The following LINGO1 variants were observed in gnomAD, a reference collection of about 807,000 sequenced individuals.
LINGO1 encodes leucine rich repeat and Ig domain containing 1.
A neutral mutation model predicts 37.3 loss-of-function variants in LINGO1; 11 were observed. The observed-to-expected ratio is 0.29, with a 90% CI of 0.19 to 0.49. The LOEUF (loss-of-function observed/expected upper bound fraction) is 0.49, where lower values mean the gene tolerates loss of function less well. Among genes scored for constraint, LINGO1 ranks in the 20% least tolerant of loss-of-function variants. The probability of loss-of-function intolerance (pLI) is 0.99; values close to 1 mark genes in which losing one functional copy is unlikely to be tolerated. For missense variants in LINGO1, 585 were observed against 878.2 expected, an observed-to-expected ratio of 0.67 and a Z score of 4.22; for synonymous variants, 387 against 403.0, an observed-to-expected ratio of 0.96 and a Z score of 0.48.
rs148298765 is a variant in LINGO1 at position 77,766,609 on chromosome 15, G to A, written c.-257+20260C>T. ...CCCTTCATTCTCGTGAAGTGAGTGC[G>A]TTCTCATGAGATCTGATGGTTTTAT... is the stretch of plus-strand genomic sequence containing the variant. On this transcript the variant is annotated intron_variant, in intron 1 of 3. Coordinates refer to the LINGO1 transcript ENST00000561686. Among the ~76,000 whole-genome samples, 211 of 152,236 alleles carry A rather than the reference G, an allele frequency of 1.4e-3. 1 individual carries two copies. The East Asian group carries it at 0.024, about 17-fold the overall frequency.
intron 1 of LINGO1, among the ~76,000 whole-genome samples, chr15:77,817,822 T>C (rs2077060657): frequency 6.6e-6 from 1 of 152,106 alleles, no homozygotes; most frequent in Non-Finnish European, 1.5e-5. Context: ...TGCCACAAAA[T>C]CCTCCTCTGT....
At chr15:77,737,994 G>A (rs2076219960) in intron 1 of LINGO1, among the ~76,000 whole-genome samples, 2 of 152,062 alleles carry the variant, frequency 1.3e-5, no homozygotes, top group African/African-American at 2.4e-5. Context: ...TGTCATCTCC[G>A]CTTGCTCATC....
At chr15:77,631,721 G>T (rs925391811) in intron 1 of LINGO1, among the ~76,000 whole-genome samples, 1 of 152,218 alleles carries the variant, frequency 6.6e-6, no homozygotes, top group Non-Finnish European at 1.5e-5. Flanking sequence ...CCCCTAAAGC[G>T]TTCCTGGGCG....
At chr15:77,752,202 C>T (rs944967902) in intron 1 of LINGO1, among the ~76,000 whole-genome samples, 1 of 152,206 alleles carries the variant, frequency 6.6e-6, no homozygotes, top group Non-Finnish European at 1.5e-5. Context: ...CCTGCCCCAG[C>T]CCCTCTCATC....
At chr15:77,649,822 A>G (rs59882970) in intron 3 of LINGO1, among the ~76,000 whole-genome samples, 15,843 of 152,154 alleles carry the variant, frequency 0.1, 2,755 homozygotes, top group African/African-American at 0.36. Context: ...GGCAGGTGAT[A>G]GCCACCAAGG....
intron 2 of LINGO1, among the ~76,000 whole-genome samples, chr15:77,723,098 C>T (rs1407917139): frequency 3.9e-5 from 6 of 152,160 alleles, no homozygotes; most frequent in Non-Finnish European, 5.9e-5. Context: ...TTCTGTCTGT[C>T]GTTAAAATGG....
At chr15:77,637,246 A>C (rs1198203419), upstream of LINGO1, among the ~76,000 whole-genome samples, 1 of 152,226 alleles carries the variant, frequency 6.6e-6, no homozygotes, top group Non-Finnish European at 1.5e-5. This position sits in a 1 kb window ranked among gnomAD's most constrained non-coding sequence, Gnocchi z 4.6. Flanking sequence ...GGAGATATGC[A>C]GGTTCCCAGG....
At chr15:77,708,900 C>T (rs983396273) in intron 2 of LINGO1, among the ~76,000 whole-genome samples, 1 of 152,108 alleles carries the variant, frequency 6.6e-6, no homozygotes, top group African/African-American at 2.4e-5. Flanking sequence ...GGTGACAGAG[C>T]GAGACTGTCT....
chr15:77,626,800 G>C (rs1468076241), intron 1 of LINGO1, among the ~76,000 whole-genome samples: 2 of 152,172 alleles, frequency 1.3e-5, no homozygotes, highest in African/African-American at 2.4e-5. Context: ...TAGTAAGTAA[G>C]AAGCCCATCA....
At position 77,752,844 on chromosome 15, in the gene LINGO1, T is replaced by C. The variant is rs577099160; in HGVS notation, c.-256-17791A>G. ...CTGCCACCAGCTGCCCTGAGCCCATTGGATGGACTTCTCACCATCACTCAT... is the reference window on the plus strand; with the variant it reads ...CTGCCACCAGCTGCCCTGAGCCCATCGGATGGACTTCTCACCATCACTCAT... On this transcript the variant is annotated intron_variant, in intron 1 of 3. Coordinates refer to the LINGO1 transcript ENST00000561686. Among the ~76,000 whole-genome samples the C allele has an allele frequency of 2.6e-5, 4 of 152,300 alleles. No homozygotes were observed. In the South Asian group the frequency reaches 8.3e-4, roughly 32 times the overall value.
chr15:77,722,899 G>A lies in LINGO1; in HGVS notation c.-195+12093C>T, dbSNP rs545810845. On this transcript the variant is annotated intron_variant, in intron 2 of 3. Coordinates refer to the LINGO1 transcript ENST00000561686. ...CCCCTCACGCAGTAACCCGGGGAGG[G>A]CAGCAGCAGGGCTGTGGAAAGCACC... Among the ~76,000 whole-genome samples, 68 of 152,134 alleles carry A rather than the reference G, an allele frequency of 4.5e-4. 1 individual carries two copies. Among genetic ancestry groups the A allele is most frequent in the Non-Finnish European group, 4.3e-4 (29 of 68,022 alleles).
At chr15:77,635,244 A>G (rs1178562856), upstream of LINGO1, among the ~76,000 whole-genome samples, 1 of 152,116 alleles carries the variant, frequency 6.6e-6, no homozygotes, top group Non-Finnish European at 1.5e-5. Context: ...TTGTCTCCAA[A>G]AGACATGACC....
intron 2 of LINGO1, among the ~76,000 whole-genome samples, chr15:77,792,567 C>T (rs377098168): frequency 4.6e-5 from 7 of 152,348 alleles, no homozygotes; most frequent in East Asian, 1.9e-4. Context: ...GCCCCTCATC[C>T]GAGAGGACTT....
chr15:77,716,439 C>A (rs2141302485), intron 2 of LINGO1, among the ~76,000 whole-genome samples: 1 of 149,628 alleles, frequency 6.7e-6, no homozygotes, highest in South Asian at 2.2e-4. Context: ...CACCAGCACA[C>A]CCAGCCGGGC....
intron 1 of LINGO1, among the ~76,000 whole-genome samples, chr15:77,743,178 G>T (rs934900260): frequency 6.6e-6 from 1 of 152,098 alleles, no homozygotes; most frequent in Non-Finnish European, 1.5e-5. Context: ...CCCCTGCCAG[G>T]AGGGCCTCAC....
chr15:77,633,271 T>C (rs1241775028), upstream of LINGO1, among the ~76,000 whole-genome samples: 7 of 138,056 alleles, frequency 5.1e-5, no homozygotes, highest in Non-Finnish European at 8.9e-5. Flanking sequence ...GCGCACACCG[T>C]TGTGTGTGAT....
At chr15:77,758,572 T>C (rs953012083) in intron 1 of LINGO1, among the ~76,000 whole-genome samples, 3 of 152,056 alleles carry the variant, frequency 2.0e-5, no homozygotes, top group African/African-American at 7.2e-5. Context: ...AGGCTTGAGT[T>C]TGGGCCAGGA....
At chr15:77,759,709 G>A (rs552119894) in intron 1 of LINGO1, among the ~76,000 whole-genome samples, 7 of 152,230 alleles carry the variant, frequency 4.6e-5, no homozygotes, top group South Asian at 2.1e-4. Context: ...TGGAGCCGGC[G>A]ACTGGGGAGA....
At chr15:77,633,233 C>T (rs1336066175), upstream of LINGO1, among the ~76,000 whole-genome samples, 1 of 151,990 alleles carries the variant, frequency 6.6e-6, no homozygotes, top group Non-Finnish European at 1.5e-5. Flanking sequence ...TCGGGGAGTC[C>T]GGCGTGCGGT....
Sources: allele counts gnomAD v4.1 joint callset (sites outside exome capture counted in the v4.1 genomes callset), GRCh38; gene constraint gnomAD v4.1.1; non-coding constraint Gnocchi (gnomAD v3.1); transcripts MANE v1.5; gene names NCBI Gene and HGNC (gene_info 2026-07-23, HGNC 2026-07-21).